The following DCC variants were observed in gnomAD, a reference collection of about 807,000 sequenced individuals.
DCC encodes netrin receptor DCC.
In DCC, 58 loss-of-function variants were observed where a neutral mutation model predicts 172.5. That is an observed-to-expected ratio of 0.34 (90% CI 0.27 to 0.42). The LOEUF (loss-of-function observed/expected upper bound fraction) is 0.42. Among genes scored for constraint, DCC ranks in the 10% least tolerant of loss-of-function variants. DCC has a pLI of 1.00. For missense variants in DCC, 1,740 were observed against 1,791.0 expected (o/e 0.97, Z 0.51); for synonymous variants, 709 against 644.5 (o/e 1.10, Z -1.52).
Position 52,459,812 on chromosome 18 carries a change from A to T in DCC, c.91+118934A>T, listed in dbSNP as rs150980837. Among the ~76,000 whole-genome samples the T allele has an allele frequency of 5.8e-3, 875 of 152,008 alleles. 28 individuals carry two copies. The highest frequency in any genetic ancestry group is 0.048 in the Admixed American group (735 of 15,254). On this transcript the variant is annotated intron_variant, in intron 1 of 28. Coordinates refer to ENST00000442544, the MANE Select transcript of DCC (RefSeq NM_005215.4). Reference sequence around the variant, plus strand: ...TTCCTGCATTAGTTTGTTAAGGATGATGGCCTCTAGCTCCATCCATGTTCC... The same window carrying T: ...TTCCTGCATTAGTTTGTTAAGGATGTTGGCCTCTAGCTCCATCCATGTTCC...
At chr18:52,873,513 C>G (rs1363976644) in intron 2 of DCC, among the ~76,000 whole-genome samples, 1 of 152,218 alleles carries the variant, frequency 6.6e-6, no homozygotes, top group East Asian at 1.9e-4. Context: ...TTTGGTCCTT[C>G]CAAACCATAC....
rs182580035 is a variant in DCC at position 52,764,999 on chromosome 18, A to C, written c.412+12625A>C. The stretch of plus-strand genomic sequence containing the variant: ...GTCTTTTAGCATCTGAGTCCTGCCT[A>C]TACCTCTAGCCTCATTTTCTTTTCT... On this transcript the variant is annotated intron_variant, in intron 2 of 28. Coordinates refer to ENST00000442544, the MANE Select transcript of DCC (RefSeq NM_005215.4). 2.8e-4 allele frequency among the ~76,000 whole-genome samples: 42 copies of C among 151,076 alleles called. No homozygotes were observed. The East Asian group carries it at 8.3e-3, about 30-fold the overall frequency.
At chr18:52,889,550 G>A (rs951990526) in intron 2 of DCC, among the ~76,000 whole-genome samples, 8 of 152,034 alleles carry the variant, frequency 5.3e-5, no homozygotes, top group African/African-American at 1.9e-4. Flanking sequence ...GGTAAAGCAG[G>A]GATTGAGAAG....
chr18:52,477,640 A>G (rs1989131323), intron 1 of DCC, among the ~76,000 whole-genome samples: 1 of 152,216 alleles, frequency 6.6e-6, no homozygotes, highest in Non-Finnish European at 1.5e-5. Context: ...CTTATGCAGA[A>G]CACTCGCCCA....
intron 1 of DCC, among the ~76,000 whole-genome samples, chr18:52,350,240 G>C (rs1489413489): frequency 6.6e-6 from 1 of 152,198 alleles, no homozygotes; most frequent in African/African-American, 2.4e-5. Flanking sequence ...AGGTAGGTAG[G>C]ATACAAGGTA....
chr18:53,456,730 G>A (rs1165671505), intron 23 of DCC, among the ~76,000 whole-genome samples: 1 of 152,084 alleles, frequency 6.6e-6, no homozygotes, highest in Non-Finnish European at 1.5e-5. Context: ...CCCCACTTTG[G>A]CAACCACTGT....
chr18:52,839,363 A>G (rs1598854864), intron 2 of DCC, among the ~76,000 whole-genome samples: 1 of 152,270 alleles, frequency 6.6e-6, no homozygotes, highest in East Asian at 1.9e-4. Context: ...TTAGGCATGA[A>G]GCAAGCAAAG....
chr18:52,718,796 C>T (rs1004947116), intron 1 of DCC, among the ~76,000 whole-genome samples: 4 of 152,174 alleles, frequency 2.6e-5, no homozygotes, highest in African/African-American at 9.7e-5. Context: ...GCCCTCATCT[C>T]TGTGTCAGTT....
At chr18:52,775,219 C>T (rs1057239217) in intron 2 of DCC, among the ~76,000 whole-genome samples, 1 of 151,914 alleles carries the variant, frequency 6.6e-6, no homozygotes, top group Non-Finnish European at 1.5e-5. Flanking sequence ...TTCACTGCCT[C>T]ACTGCTCATG....
intron 2 of DCC, among the ~76,000 whole-genome samples, chr18:52,818,884 A>G (rs1004560699): frequency 6.6e-6 from 1 of 152,232 alleles, no homozygotes; most frequent in Non-Finnish European, 1.5e-5. Flanking sequence ...ACAAAAAGTT[A>G]GAGACTTGAA....
At chr18:52,640,024 G>A (rs1031583452) in intron 1 of DCC, among the ~76,000 whole-genome samples, 7 of 152,138 alleles carry the variant, frequency 4.6e-5, no homozygotes, top group Non-Finnish European at 8.8e-5. Context: ...CCATGATAAA[G>A]TGGGTTTCAT....
intron 15 of DCC, among the ~76,000 whole-genome samples, chr18:53,341,643 G>A (rs55974106): frequency 0.16 from 24,664 of 152,068 alleles, 2,485 homozygotes; most frequent in African/African-American, 0.27. Flanking sequence ...ATGAAATACA[G>A]TAATTAGCAT....
At chr18:52,398,441 C>T (rs1986313929) in intron 1 of DCC, among the ~76,000 whole-genome samples, 1 of 151,878 alleles carries the variant, frequency 6.6e-6, no homozygotes, top group East Asian at 1.9e-4. Flanking sequence ...TATTACATAC[C>T]ATTTTGTGAC....
At chr18:53,242,285 A>T (rs2056306761) in intron 12 of DCC, among the ~76,000 whole-genome samples, 1 of 152,130 alleles carries the variant, frequency 6.6e-6, no homozygotes, top group Non-Finnish European at 1.5e-5. Flanking sequence ...ACCTACAAAA[A>T]GACCTATATG....
intron 12 of DCC, among the ~76,000 whole-genome samples, chr18:53,239,009 A>G (rs907262966): frequency 4.5e-5 from 6 of 134,620 alleles, no homozygotes; most frequent in South Asian, 2.7e-4. Context: ...ACACCTGGAC[A>G]CAGGAAGGGG....
chr18:53,326,122 C>G (rs936873432), intron 14 of DCC, among the ~76,000 whole-genome samples: 1 of 152,168 alleles, frequency 6.6e-6, no homozygotes. Context: ...TTCTCATTCT[C>G]TTATGTTTTC....
intron 1 of DCC, among the ~76,000 whole-genome samples, chr18:52,406,557 C>T (rs1986659262): frequency 6.6e-6 from 1 of 152,042 alleles, no homozygotes; most frequent in Non-Finnish European, 1.5e-5. Flanking sequence ...ATAATGGGCT[C>T]CAGATTCTTA....
intron 12 of DCC, among the ~76,000 whole-genome samples, chr18:53,234,563 A>C (rs17488727): frequency 0.31 from 46,403 of 152,014 alleles, 8,866 homozygotes; most frequent in Non-Finnish European, 0.44. Flanking sequence ...GAAAACCCTC[A>C]CTCTCTTAAA....
chr18:53,148,717 T>C (rs1230516701), intron 7 of DCC, among the ~76,000 whole-genome samples: 2 of 151,922 alleles, frequency 1.3e-5, no homozygotes, highest in African/African-American at 4.8e-5. Flanking sequence ...AAAAAGAAAA[T>C]GAATGATAGA....
Sources: allele counts gnomAD v4.1 joint callset (sites outside exome capture counted in the v4.1 genomes callset), GRCh38; gene constraint gnomAD v4.1.1; transcripts MANE v1.5; gene names NCBI Gene and HGNC (gene_info 2026-07-23, HGNC 2026-07-21).